The following CTNNA3 variants were observed in gnomAD, a reference collection of about 807,000 sequenced individuals.
CTNNA3 encodes the protein catenin alpha-3.
In CTNNA3, 76 loss-of-function variants were observed where a neutral mutation model predicts 95.7. The observed-to-expected ratio is 0.79, with a 90% CI of 0.66 to 0.96. CTNNA3 has a LOEUF of 0.96. CTNNA3 is among the 40% of genes least tolerant of loss of function. The probability of loss-of-function intolerance (pLI) is 0.00; values close to 1 mark genes in which losing one functional copy is unlikely to be tolerated. For synonymous variants in CTNNA3, 431 were observed against 374.4 expected, an observed-to-expected ratio of 1.15 and a Z score of -1.74; for missense variants, 1,191 against 1,089.8, an observed-to-expected ratio of 1.09 and a Z score of -1.31.
intron 1 of CTNNA3, among the ~76,000 whole-genome samples, chr10:67,745,951 C>T (rs1841372914): frequency 6.6e-6 from 1 of 152,072 alleles, no homozygotes; most frequent in Non-Finnish European, 1.5e-5. Context: ...AAAGATATTC[C>T]ATGTTCATGG....
At chr10:67,013,845 A>G (rs1242644231) in intron 7 of CTNNA3, among the ~76,000 whole-genome samples, 4 of 152,194 alleles carry the variant, frequency 2.6e-5, no homozygotes, top group African/African-American at 9.7e-5. Flanking sequence ...CAGAAAAGAT[A>G]CAGGCCCACT....
chr10:66,140,247 T>C (rs2083546652), intron 13 of CTNNA3, among the ~76,000 whole-genome samples: 1 of 152,186 alleles, frequency 6.6e-6, no homozygotes, highest in Admixed American at 6.5e-5. Flanking sequence ...AAATGCAATT[T>C]AACTTAATAG....
chr10:67,439,011 T>G (rs1846403365), intron 5 of CTNNA3, among the ~76,000 whole-genome samples: 1 of 152,116 alleles, frequency 6.6e-6, no homozygotes, highest in Non-Finnish European at 1.5e-5. Context: ...TTCCTCCTAC[T>G]GCTGAGCTTA....
chr10:67,527,206 G>A (rs190408918), intron 4 of CTNNA3, among the ~76,000 whole-genome samples: 8 of 152,162 alleles, frequency 5.3e-5, no homozygotes, highest in Non-Finnish European at 1.0e-4. Context: ...GCAGTGAGCC[G>A]AGATCGCACC....
chr10:66,809,424 T>G (rs1034511644), intron 7 of CTNNA3, among the ~76,000 whole-genome samples: 8 of 152,172 alleles, frequency 5.3e-5, no homozygotes, highest in Admixed American at 2.6e-4. Context: ...ATGAACGGAT[T>G]TTTTCCATTA....
chr10:66,512,881 G>A (rs186562850), intron 11 of CTNNA3, among the ~76,000 whole-genome samples: 13 of 152,072 alleles, frequency 8.5e-5, no homozygotes, highest in South Asian at 2.1e-4. Flanking sequence ...GCTGTTAGTC[G>A]GACAAAGATA....
At chr10:67,067,201 C>T (rs1315944597) in intron 7 of CTNNA3, among the ~76,000 whole-genome samples, 1 of 152,016 alleles carries the variant, frequency 6.6e-6, no homozygotes, top group South Asian at 2.1e-4. Context: ...GAGAAATATA[C>T]CACAGAAGTG....
chr10:66,323,418 C>G (rs576257048), intron 12 of CTNNA3, among the ~76,000 whole-genome samples: 1 of 151,672 alleles, frequency 6.6e-6, no homozygotes. Flanking sequence ...CCAAGGGGCA[C>G]GGATCACCTG....
At chr10:66,242,395 A>T (rs1171202127) in intron 13 of CTNNA3, among the ~76,000 whole-genome samples, 1 of 152,212 alleles carries the variant, frequency 6.6e-6, no homozygotes, top group African/African-American at 2.4e-5. Flanking sequence ...GAAGCAAGCC[A>T]CTGACACAGA....
At chr10:66,632,203 T>C (rs771175822) in intron 9 of CTNNA3, among the ~76,000 whole-genome samples, 6 of 152,028 alleles carry the variant, frequency 3.9e-5, no homozygotes, top group Non-Finnish European at 7.4e-5. Context: ...TGAACTTAGG[T>C]AAATTTTAAT....
At chr10:67,261,783 T>C (rs1866620762) in intron 5 of CTNNA3, among the ~76,000 whole-genome samples, 2 of 152,298 alleles carry the variant, frequency 1.3e-5, no homozygotes, top group African/African-American at 4.8e-5. Flanking sequence ...AAGGGGTAAT[T>C]GGTCCAGAAA....
At chr10:66,022,748 C>T (rs10509259) in intron 15 of CTNNA3, among the ~76,000 whole-genome samples, 10,725 of 152,244 alleles carry the variant, frequency 0.07, 465 homozygotes, top group Middle Eastern at 0.12. Context: ...TCTTACCACA[C>T]AAACCTTTGA....
intron 1 of CTNNA3, among the ~76,000 whole-genome samples, chr10:67,729,060 A>T (rs913116181): frequency 2.0e-5 from 3 of 152,124 alleles, no homozygotes; most frequent in African/African-American, 7.2e-5. Flanking sequence ...CTAATTTTTT[A>T]AATTACACTT....
intron 7 of CTNNA3, among the ~76,000 whole-genome samples, chr10:66,806,472 C>T (rs1015029015): frequency 4.6e-5 from 7 of 151,832 alleles, no homozygotes; most frequent in Non-Finnish European, 1.0e-4. Context: ...CACTTAAAGA[C>T]GAGGCATATT....
chr10:67,086,035 G>A (rs1475155378), intron 7 of CTNNA3, among the ~76,000 whole-genome samples: 3 of 151,868 alleles, frequency 2.0e-5, no homozygotes, highest in Non-Finnish European at 4.4e-5. Context: ...TGTAAAATCA[G>A]GGAATTGGTT....
intron 13 of CTNNA3, 40 bp downstream of exon 13, chr10:66,280,430 G>A (rs1307561508): frequency 6.4e-7 from 1 of 1,556,082 alleles, no homozygotes; most frequent in East Asian, 2.3e-5. Context: ...AGATGGTGAA[G>A]AACATTGCAA....
intron 13 of CTNNA3, among the ~76,000 whole-genome samples, chr10:66,222,618 AAGAAAAAG>A (rs1295156792): frequency 1.7e-4 from 12 of 68,636 alleles, no homozygotes; most frequent in South Asian, 5.8e-4. Context: ...GAAAGAAAGA[AAGAAAAAG>A]AAAGAAAGAA....
intron 17 of CTNNA3, among the ~76,000 whole-genome samples, chr10:65,936,999 A>G (rs1207255428): frequency 6.6e-6 from 1 of 151,896 alleles, no homozygotes; most frequent in African/African-American, 2.4e-5. Context: ...TTATATAAAT[A>G]TAAACATTTG....
At chr10:66,794,348 T>TCA (rs575515458) in intron 7 of CTNNA3, among the ~76,000 whole-genome samples, 149 of 152,252 alleles carry the variant, frequency 9.8e-4, no homozygotes, top group African/African-American at 3.4e-3. Context: ...ATAAAGCAAG[T>TCA]CACATGGGTT....
Sources: allele counts gnomAD v4.1 joint callset (sites outside exome capture counted in the v4.1 genomes callset), GRCh38; gene constraint gnomAD v4.1.1; transcripts MANE v1.5; gene names NCBI Gene and HGNC (gene_info 2026-07-23, HGNC 2026-07-21).